The following FGF13 variants were observed in gnomAD, a reference collection of about 807,000 sequenced individuals.
The protein encoded by FGF13 is fibroblast growth factor homologous factor 2.
A neutral mutation model predicts 19.5 loss-of-function variants in FGF13; 2 were observed. The ratio of observed to expected loss-of-function variants is 0.10; its 90% CI spans 0.04 to 0.32. FGF13 has a LOEUF of 0.32. Ranked by LOEUF, FGF13 falls within the 10% of genes least tolerant of loss-of-function variation. The pLI is 1.00. For synonymous variants in FGF13, 72 were observed against 76.9 expected (o/e 0.94, Z 0.33); for missense variants, 113 against 192.7 (o/e 0.59, Z 2.45).
At chrX:139,069,971 A>G (rs1404937444) in intron 1 of FGF13, among the ~76,000 whole-genome samples, 2 of 112,306 alleles carry the variant, frequency 1.8e-5, no homozygotes, top group Non-Finnish European at 3.8e-5. Context: ...ACCTTATACA[A>G]AAAATAACTC....
Position 139,062,981 on chromosome X carries a change from C to T in FGF13, c.-113+140435G>A, listed in dbSNP as rs139684766. ...TATTCTCTAAGTTCTTCTCAACTAC[C>T]TTGTTCACCTTAATTTGTATTTTTT... On this transcript the variant is annotated intron_variant, in intron 1 of 2. Coordinates refer to the FGF13 transcript ENST00000421460. 6.5e-3 allele frequency among the ~76,000 whole-genome samples: 733 copies of T among 112,040 alleles called. 2 individuals are homozygous for T. The highest frequency in any genetic ancestry group is 0.011 in the Non-Finnish European group (588 of 53,121).
At chrX:139,120,356 A>G (rs759346088) in intron 1 of FGF13, among the ~76,000 whole-genome samples, 55 of 112,167 alleles carry the variant, frequency 4.9e-4, no homozygotes, top group African/African-American at 1.7e-3. Context: ...ACTGTATTGT[A>G]TTACCTCTTG....
chrX:139,184,069 A>T (rs1478160320), intron 1 of FGF13, among the ~76,000 whole-genome samples: 1 of 112,466 alleles, frequency 8.9e-6, no homozygotes, highest in African/African-American at 3.2e-5. Context: ...TTTCTTTTGC[A>T]TAAATGAAAA....
At chrX:139,078,889 CAAT>C (rs1161284279) in intron 1 of FGF13, among the ~76,000 whole-genome samples, 2 of 112,961 alleles carry the variant, frequency 1.8e-5, no homozygotes, top group Non-Finnish European at 3.7e-5. Flanking sequence ...GCAGCTACTA[CAAT>C]AATAACTGCA....
intron 1 of FGF13, among the ~76,000 whole-genome samples, chrX:139,028,039 T>G (rs768670520): frequency 9.0e-6 from 1 of 111,438 alleles, no homozygotes; most frequent in Non-Finnish European, 1.9e-5. Flanking sequence ...CAGAGATCAC[T>G]AACGGTATTT....
At chrX:138,978,754 A>C (rs755693239) in intron 1 of FGF13, among the ~76,000 whole-genome samples, 1 of 112,321 alleles carries the variant, frequency 8.9e-6, no homozygotes, top group Admixed American at 9.4e-5. Flanking sequence ...CACTGCCTCC[A>C]AAGTCATACT....
At chrX:139,091,145 TA>T (rs1277178984) in intron 1 of FGF13, among the ~76,000 whole-genome samples, 4 of 110,314 alleles carry the variant, frequency 3.6e-5, no homozygotes, top group Non-Finnish European at 7.6e-5. Flanking sequence ...ATTTGGGATC[TA>T]AGTAGAGCAC....
rs767665497 is a variant in FGF13 at position 139,046,507 on chromosome X, T to C, written c.-113+156909A>G. Among the ~76,000 whole-genome samples, 127 of 111,616 alleles carry C rather than the reference T, an allele frequency of 1.1e-3. 3 individuals carry two copies. Among genetic ancestry groups the C allele is most frequent in the African/African-American group, 4.1e-3 (124 of 30,571 alleles). On this transcript the variant is annotated intron_variant, in intron 1 of 2. Transcript: ENST00000421460. The stretch of plus-strand genomic sequence containing the variant: ...AATCAGTAAGAGGCAGCACCCTGGG[T>C]AAATGTAGTGGCTCCTATGGGCTCA...
At chrX:138,904,729 T>C (rs2091548811) in intron 1 of FGF13, among the ~76,000 whole-genome samples, 1 of 111,222 alleles carries the variant, frequency 9.0e-6, no homozygotes, top group Non-Finnish European at 1.9e-5. Context: ...CTCAAATGAG[T>C]TTCATATGCA....
At chrX:139,204,858 A>AT (rs1398718909), upstream of FGF13, 3 of 110,206 alleles carry the variant, frequency 2.7e-5, no homozygotes, top group African/African-American at 9.9e-5. Context: ...GGTTCCTATT[A>AT]TTTTGCCAAA....
intron 3 of FGF13, among the ~76,000 whole-genome samples, chrX:138,847,504 A>C (rs1206375930): frequency 8.9e-6 from 1 of 111,803 alleles, no homozygotes; most frequent in Admixed American, 9.5e-5. Context: ...CATGGGTGGA[A>C]GTGGACAAGT....
intron 1 of FGF13, 23 bp from the exon 2 acceptor site, chrX:138,708,951 G>A: frequency 7.4e-6 from 7 of 939,873 alleles, no homozygotes; most frequent in Non-Finnish European, 7.5e-6. Flanking sequence ...CAATGATTTG[G>A]ATCAATTGAT....
chrX:138,656,798 C>A (rs1022060271), intron 3 of FGF13, among the ~76,000 whole-genome samples: 9 of 111,669 alleles, frequency 8.1e-5, no homozygotes, highest in African/African-American at 2.0e-4. Context: ...AAGTGTGAAA[C>A]AAATGGCAGG....
intron 1 of FGF13, among the ~76,000 whole-genome samples, chrX:139,004,290 G>T (rs1374870304): frequency 8.9e-6 from 1 of 112,909 alleles, no homozygotes; most frequent in Non-Finnish European, 1.9e-5. Flanking sequence ...CTCATTGCCC[G>T]GAGCCAGCAG....
At chrX:138,760,160 G>A (rs904895583) in intron 3 of FGF13, among the ~76,000 whole-genome samples, 12 of 111,004 alleles carry the variant, frequency 1.1e-4, no homozygotes, top group Admixed American at 7.7e-4. Context: ...ACAATGCACC[G>A]TTAACCCAGA....
intron 1 of FGF13, among the ~76,000 whole-genome samples, chrX:139,038,946 A>G (rs1486985080): frequency 1.8e-5 from 2 of 112,055 alleles, no homozygotes; most frequent in South Asian, 3.7e-4. Flanking sequence ...TCACTTAATC[A>G]TTAGAACAAT....
chrX:139,079,057 T>C (rs760364796), intron 1 of FGF13, among the ~76,000 whole-genome samples: 54 of 112,420 alleles, frequency 4.8e-4, no homozygotes, highest in Admixed American at 4.4e-3. Flanking sequence ...AGGACAGATG[T>C]GATCTACAGA....
intron 1 of FGF13, among the ~76,000 whole-genome samples, chrX:138,875,007 C>T (rs1030490913): frequency 9.1e-6 from 1 of 110,139 alleles, no homozygotes; most frequent in East Asian, 2.9e-4. Context: ...TTTGGGAGGC[C>T]GAGGCGGGCG....
intron 3 of FGF13, among the ~76,000 whole-genome samples, chrX:138,845,922 T>C (rs1051755312): frequency 9.9e-5 from 11 of 111,514 alleles, no homozygotes; most frequent in African/African-American, 3.6e-4. Flanking sequence ...CTTTTTGAAA[T>C]GCCCTTTGTT....
Sources: allele counts gnomAD v4.1 joint callset (sites outside exome capture counted in the v4.1 genomes callset), GRCh38; gene constraint gnomAD v4.1.1; transcripts MANE v1.5; gene names NCBI Gene and HGNC (gene_info 2026-07-23, HGNC 2026-07-21).